Variants in FRMPD2 observed in about 807,000 individuals in gnomAD.
The protein encoded by FRMPD2 is FERM and PDZ domain-containing protein 2.
Under a neutral mutation model 140.1 loss-of-function variants are expected in FRMPD2, and 96 were observed. The observed-to-expected ratio is 0.69, with a 90% CI of 0.58 to 0.81. FRMPD2 has a LOEUF of 0.81. FRMPD2 is among the 40% of genes least tolerant of loss of function. The pLI is 0.00. For synonymous variants in FRMPD2, 449 were observed against 547.6 expected, an observed-to-expected ratio of 0.82 and a Z score of 2.52; for missense variants, 1,240 against 1,447.4, an observed-to-expected ratio of 0.86 and a Z score of 2.32.
At chr10:48,256,771 G>A (rs1840498370) in intron 1 of FRMPD2, among the ~76,000 whole-genome samples, 1 of 152,152 alleles carries the variant, frequency 6.6e-6, no homozygotes, top group Non-Finnish European at 1.5e-5. Flanking sequence ...CCAGGCCACT[G>A]TCTGTCCTTG....
chr10:48,199,342 G>A (rs376421971), intron 15 of FRMPD2, among the ~76,000 whole-genome samples: 1 of 150,708 alleles, frequency 6.6e-6, no homozygotes, highest in African/African-American at 2.4e-5. Flanking sequence ...GTAAAACAAG[G>A]GTATTTATAG....
At chr10:48,208,956 T>C (rs765548184) in intron 13 of FRMPD2, among the ~76,000 whole-genome samples, 25 of 152,356 alleles carry the variant, frequency 1.6e-4, no homozygotes, top group Middle Eastern at 3.4e-3. Context: ...GAATTCATCT[T>C]CTCTGACCTT....
chr10:48,223,825 T>C (rs977492609), intron 10 of FRMPD2, among the ~76,000 whole-genome samples: 3 of 152,176 alleles, frequency 2.0e-5, no homozygotes, highest in Admixed American at 2.0e-4. Flanking sequence ...ATCAGCATCC[T>C]TATAACAGGA....
chr10:48,236,990 G>C (rs1483940359), intron 8 of FRMPD2, among the ~76,000 whole-genome samples: 1 of 152,122 alleles, frequency 6.6e-6, no homozygotes, highest in Non-Finnish European at 1.5e-5. Flanking sequence ...GGCACCTCTT[G>C]TTCTCAGTGT....
intron 17 of FRMPD2, 51 bp downstream of exon 17, chr10:48,187,141 T>TC (rs1838707167): frequency 7.9e-7 from 1 of 1,270,188 alleles, no homozygotes; most frequent in African/African-American, 1.5e-5. Flanking sequence ...AAAGCAAGCT[T>TC]CCTGCGTAGG....
At chr10:48,167,595 C>G (rs1159532673) in intron 27 of FRMPD2, among the ~76,000 whole-genome samples, 7 of 118,470 alleles carry the variant, frequency 5.9e-5, no homozygotes, top group Non-Finnish European at 1.1e-4. Context: ...AGGGGATGTT[C>G]TCAAGCGCAG....
At chr10:48,265,755 A>C (rs549975970) in intron 1 of FRMPD2, among the ~76,000 whole-genome samples, 1 of 152,226 alleles carries the variant, frequency 6.6e-6, no homozygotes, top group African/African-American at 2.4e-5. Flanking sequence ...GAATATTAAT[A>C]CATTGTTGGT....
At chr10:48,204,755 G>C (rs565682375) in intron 14 of FRMPD2, among the ~76,000 whole-genome samples, 1 of 152,082 alleles carries the variant, frequency 6.6e-6, no homozygotes, top group African/African-American at 2.4e-5. Context: ...TTCATAAAGA[G>C]GGCCCTAAAT....
intron 10 of FRMPD2, among the ~76,000 whole-genome samples, chr10:48,230,685 A>T (rs981079080): frequency 4.6e-5 from 7 of 152,246 alleles, no homozygotes; most frequent in African/African-American, 1.4e-4. Flanking sequence ...TACACCTGTT[A>T]TCTGACTGTA....
chr10:48,187,595 C>T (rs77645658), intron 16 of FRMPD2, among the ~76,000 whole-genome samples: 2 of 152,154 alleles, frequency 1.3e-5, no homozygotes, highest in Non-Finnish European at 1.5e-5. Flanking sequence ...ATCCTGTAAA[C>T]CTCCATTTTT....
chr10:48,236,400 C>A (rs1839968314), intron 9 of FRMPD2, 82 bp downstream of exon 9: 1 of 1,149,916 alleles, frequency 8.7e-7, no homozygotes, highest in South Asian at 1.2e-5. Flanking sequence ...ATGTGAGACC[C>A]CATTCAGACA....
intron 8 of FRMPD2, among the ~76,000 whole-genome samples, chr10:48,237,438 A>C (rs1435832830): frequency 6.6e-6 from 1 of 152,146 alleles, no homozygotes; most frequent in Non-Finnish European, 1.5e-5. Flanking sequence ...GCGTATGGGA[A>C]CCATAGGCCA....
intron 28 of FRMPD2, among the ~76,000 whole-genome samples, chr10:48,158,495 G>T (rs1352043293): frequency 4.7e-5 from 7 of 149,406 alleles, no homozygotes; most frequent in Non-Finnish European, 8.9e-5. Flanking sequence ...CTCATGTTTT[G>T]CATGTGGACA....
chr10:48,242,082 T>C lies in FRMPD2; in HGVS notation c.567+79A>G. On this transcript the variant is annotated intron_variant, in intron 5 of 28. Transcript: ENST00000374201. ...TAATTTTTTATTTTATTTTAGTTAA[T>C]GATAATATAACTAATTCAAATTTTA... The C allele has an allele frequency of 3.0e-6, 3 of 998,400 alleles. No individual in the cohort carries two copies. The South Asian group carries it at 6.2e-5, about 21-fold the overall frequency. The allele number at this position is 998,400 out of a possible 1,614,324, so 61.8% of individuals were successfully genotyped here.
rs1765390539 is a variant in FRMPD2, at chr10:48,212,048, C to T, written c.1517G>A (p.Arg506Lys). 3 of 1,613,990 alleles carry T rather than the reference C, an allele frequency of 1.9e-6. No homozygotes were observed. The highest frequency in any genetic ancestry group is 1.7e-5 in the Admixed American group (1 of 60,004). Reference protein sequence around the residue: ...EDYIPASLIERMTALRVQVEV... With the variant: ...EDYIPASLIEKMTALRVQVEV... ...AACCTGGACCCGTAGAGCGGTCATCCTCTCGATCAGACTCGCTGGGATGTA... is the reference window on the plus strand; with the variant it reads ...AACCTGGACCCGTAGAGCGGTCATCTTCTCGATCAGACTCGCTGGGATGTA... The change falls in exon 13 of 29, where the codon AGG becomes AAG. Residue 506 changes from arginine (R) to lysine (K), a missense_variant. Physicochemically the swap from Arg to Lys is conservative, Grantham distance 26 (BLOSUM62 2). Around this residue, in one of 6 missense-constraint regions of FRMPD2, gnomAD observed 1,161 missense variants for 1,055.9 expected, o/e 1.10. Coordinates refer to ENST00000374201, the MANE Select transcript of FRMPD2 (RefSeq NM_001018071.4).
rs1419190132 is a variant in FRMPD2, at chr10:48,223,255, A to G, written c.1184T>C (p.Phe395Ser). 6.2e-7 allele frequency: 1 copy of G among 1,613,062 alleles called. No homozygotes were observed. The highest frequency in any genetic ancestry group is 8.5e-7 in the Non-Finnish European group (1 of 1,179,460). Reference protein sequence around the residue: ...LAYMKSKEFFFLDSETRLCKI... With the variant: ...LAYMKSKEFFSLDSETRLCKI... ...GCACAATCTGGTTTCACTGTCCAGGAAAAAGAACTCTTTGCCTGAAATGGA... is the reference window on the plus strand; with the variant it reads ...GCACAATCTGGTTTCACTGTCCAGGGAAAAGAACTCTTTGCCTGAAATGGA... Residue 395 changes from phenylalanine (F) to serine (S), a missense_variant, in exon 11 of 29, where the codon TTC (phenylalanine) becomes TCC (serine). Phe to Ser is a radical substitution (Grantham distance 155). Coordinates refer to ENST00000374201, the MANE Select transcript of FRMPD2 (RefSeq NM_001018071.4).
At chr10:48,210,500 G>T (rs558817115) in intron 13 of FRMPD2, among the ~76,000 whole-genome samples, 1 of 152,362 alleles carries the variant, frequency 6.6e-6, no homozygotes, top group African/African-American at 2.4e-5. Flanking sequence ...AGGCCAGAAG[G>T]TAGCGTCCAT....
chr10:48,167,661 C>A (rs1319856908), intron 27 of FRMPD2, among the ~76,000 whole-genome samples: 1 of 146,032 alleles, frequency 6.8e-6, no homozygotes, highest in Non-Finnish European at 1.5e-5. Context: ...TTCCTAGGAA[C>A]CCCACAGAAG....
At position 48,183,644 on chromosome 10, in the gene FRMPD2, A is replaced by T. The variant is rs370715355; in HGVS notation, c.2584+922T>A. On this transcript the variant is annotated intron_variant, in intron 20 of 28. Coordinates refer to ENST00000374201, the MANE Select transcript of FRMPD2 (RefSeq NM_001018071.4). ...GGCGGGCAGATCACTTGAGTTCAGG[A>T]GTTCCAGACCAGCCTGGCCAACATA... 3.2e-4 allele frequency among the ~76,000 whole-genome samples: 48 copies of T among 152,096 alleles called. No individual in the cohort carries two copies. The East Asian group carries it at 8.7e-3, about 28-fold the overall frequency.
Sources: allele counts gnomAD v4.1 joint callset (sites outside exome capture counted in the v4.1 genomes callset), GRCh38; gene constraint gnomAD v4.1.1; regional missense constraint gnomAD v4.1.1; transcripts MANE v1.5; gene names NCBI Gene and HGNC (gene_info 2026-07-23, HGNC 2026-07-21).